LRRC41: variants seen among roughly 807,000 people sequenced by gnomAD.
The protein encoded by LRRC41 is leucine rich repeat containing 41.
Under a neutral mutation model 72.1 loss-of-function variants are expected in LRRC41, and 17 were observed. That is an observed-to-expected ratio of 0.24 (90% CI 0.16 to 0.35). The LOEUF (loss-of-function observed/expected upper bound fraction) is 0.35, where lower values mean the gene tolerates loss of function less well. Among genes scored for constraint, LRRC41 ranks in the 10% least tolerant of loss-of-function variants. The pLI is 1.00. For synonymous variants in LRRC41, 427 were observed against 431.0 expected, an observed-to-expected ratio of 0.99 and a Z score of 0.11; for missense variants, 759 against 1,065.0, an observed-to-expected ratio of 0.71 and a Z score of 4.00.
rs760129246 is a variant in LRRC41 at position 46,281,330 on chromosome 1, C to T, written c.1551G>A (p.Gln517=). The T allele has an allele frequency of 2.6e-5, 42 of 1,614,098 alleles. No homozygotes were observed. The highest frequency in any genetic ancestry group is 3.5e-5 in the Non-Finnish European group (41 of 1,180,054). Reference sequence around the variant, plus strand: ...GCAGGGCACGGAGGCGACATCCAGCCTGGCCTGACAGGGCCCGCAGGCTGT... The same window carrying T: ...GCAGGGCACGGAGGCGACATCCAGCTTGGCCTGACAGGGCCCGCAGGCTGT... The part of the protein sequence containing the change: ...LLDSLRALSG[Q]AGCRLRALHL... Residue 517 remains glutamine (Q), a synonymous_variant, in exon 5 of 10, where the codon CAG becomes CAA. Coordinates refer to ENST00000617190, the MANE Select transcript of LRRC41 (RefSeq NM_006369.5).
intron 3 of LRRC41, among the ~76,000 whole-genome samples, chr1:46,292,228 C>A (rs1395173149): frequency 2.0e-5 from 3 of 150,988 alleles, no homozygotes; most frequent in Non-Finnish European, 4.4e-5. Flanking sequence ...CACTGCACTC[C>A]AGCCTGGGTG....
At chr1:46,295,043 A>G (rs940448853) in intron 3 of LRRC41, among the ~76,000 whole-genome samples, 10 of 151,850 alleles carry the variant, frequency 6.6e-5, no homozygotes, top group Admixed American at 2.6e-4. Flanking sequence ...TATCTATTCT[A>G]TTATACAGAT....
intron 1 of LRRC41, chr1:46,299,017 C>G (rs1447755990): frequency 2.0e-5 from 3 of 152,370 alleles, no homozygotes; most frequent in Middle Eastern, 6.8e-3. Context: ...TGGGCTACTG[C>G]TATATTCTGA....
intron 3 of LRRC41, chr1:46,296,607 G>A (rs986005966): frequency 6.6e-6 from 1 of 152,146 alleles, no homozygotes; most frequent in African/African-American, 2.4e-5. Context: ...GAGAGCTCCA[G>A]TGATTTATAT....
At chr1:46,291,461 A>AGTAGTAG (rs987559869) in intron 3 of LRRC41, among the ~76,000 whole-genome samples, 29 of 151,702 alleles carry the variant, frequency 1.9e-4, no homozygotes, top group African/African-American at 7.0e-4. Context: ...TAGCCTCCCA[A>AGTAGTAG]GTAGTAGGGA....
chr1:46,283,430 C>A (rs1660821009), intron 4 of LRRC41, among the ~76,000 whole-genome samples: 1 of 152,122 alleles, frequency 6.6e-6, no homozygotes, highest in Non-Finnish European at 1.5e-5. Context: ...ACCAGCCCGG[C>A]CTATATGGGG....
At chr1:46,293,096 A>G (rs569936413) in intron 3 of LRRC41, among the ~76,000 whole-genome samples, 12 of 151,858 alleles carry the variant, frequency 7.9e-5, no homozygotes, top group Admixed American at 2.0e-4. Flanking sequence ...AGGCAGGAGA[A>G]TCACTTGAAC....
In LRRC41 at chr1:46,297,846, C is replaced by A. The variant is rs553937165; in HGVS notation, c.287-213G>T. ...TTACTTAATTTCTCTGTGGTTCAGT[C>A]TCCTCATCTGTAAAATGTTAATAAC... On this transcript the variant is annotated intron_variant, in intron 2 of 9. Transcript: ENST00000617190. Among the ~76,000 whole-genome samples the A allele has an allele frequency of 1.3e-3, 192 of 152,306 alleles. 1 individual carries two copies. Among genetic ancestry groups the A allele is most frequent in the African/African-American group, 4.3e-3 (180 of 41,550 alleles).
rs552710485 is a variant in LRRC41 at position 46,303,294 on chromosome 1, C to G, written c.29G>C (p.Arg10Pro). 8 of 1,539,046 alleles carry G rather than the reference C, an allele frequency of 5.2e-6. No homozygotes were observed. The highest frequency in any genetic ancestry group is 7.0e-6 in the Non-Finnish European group (8 of 1,143,460). Reference protein sequence around the residue: MAAPEAWRARSCWFCEVAAA... With the variant: MAAPEAWRAPSCWFCEVAAA... ...CGCTACCTCACAGAACCAGCAACTC[C>G]GGGCGCGCCAGGCCTCGGGCGCCGC... Residue 10 changes from arginine to proline, a missense_variant, in exon 1 of 10, where the codon CGG becomes CCG. Arg to Pro is a moderately radical substitution (Grantham distance 103, BLOSUM62 -2). Transcript: ENST00000617190.
Position 46,278,860 on chromosome 1 carries a change from C to T in LRRC41, c.*5G>A, listed in dbSNP as rs1660704055. 1 of 1,606,368 alleles carries T rather than the reference C, an allele frequency of 6.2e-7. No individual in the cohort carries two copies. Among genetic ancestry groups the T allele is most frequent in the Non-Finnish European group, 8.5e-7 (1 of 1,177,654 alleles). ...CGAGCATGAGACTGTGAGGTACGGG[C>T]CCCATCACATGGTGCTAACATAATC... On this transcript the variant is annotated 3_prime_UTR_variant, in exon 10 of 10. Transcript: ENST00000617190.
intron 3 of LRRC41, among the ~76,000 whole-genome samples, chr1:46,292,010 C>G (rs548103454): frequency 2.6e-5 from 4 of 152,002 alleles, no homozygotes; most frequent in African/African-American, 9.6e-5. Context: ...ACACGCCCAG[C>G]TAATTTTTAA....
At chr1:46,289,875 T>C (rs1660970109) in intron 3 of LRRC41, among the ~76,000 whole-genome samples, 1 of 152,216 alleles carries the variant, frequency 6.6e-6, no homozygotes, top group Non-Finnish European at 1.5e-5. Context: ...ATTTAGTACT[T>C]TGTTTTCTGT....
At chr1:46,280,311 A>G in intron 6 of LRRC41, 21 bp from the exon 7 acceptor site, 1 of 1,612,670 alleles carries the variant, frequency 6.2e-7, no homozygotes, top group Middle Eastern at 1.7e-4. Flanking sequence ...GGCAGAGACC[A>G]TGGACCATGG....
Position 46,280,157 on chromosome 1 carries a change from C to T in LRRC41, c.2020+35G>A, listed in dbSNP as rs1660741405. 3 of 1,513,194 alleles carry T rather than the reference C, an allele frequency of 2.0e-6. No individual in the cohort carries two copies. In the East Asian group the frequency reaches 6.8e-5, roughly 34 times the overall value. The allele number at this position is 1,513,194 out of a possible 1,614,324, so 93.7% of individuals were successfully genotyped here. A position where few individuals can be genotyped will look rare whatever the true frequency, so the allele number is the denominator to read the frequency against. On this transcript the variant is annotated intron_variant, in intron 7 of 9. Coordinates refer to ENST00000617190, the MANE Select transcript of LRRC41 (RefSeq NM_006369.5). ...ATTATGGCAGAACCATAGTGAAGAC[C>T]CAGGAAATGTCCAGGTTCTGAATAA...
At chr1:46,296,555 C>T (rs184763215) in intron 3 of LRRC41, among the ~76,000 whole-genome samples, 322 of 152,194 alleles carry the variant, frequency 2.1e-3, no homozygotes, top group Non-Finnish European at 4.0e-3. Context: ...TTAAATCTAC[C>T]CCATCACCTA....
intron 1 of LRRC41, chr1:46,299,749 C>G (rs375684428): frequency 2.6e-5 from 4 of 152,134 alleles, no homozygotes; most frequent in Admixed American, 2.6e-4. Flanking sequence ...TAATGATGCA[C>G]GCCTGTAATC....
Position 46,285,886 on chromosome 1 carries a change from C to A in LRRC41, c.971G>T (p.Arg324Leu). The stretch of plus-strand genomic sequence containing the variant: ...TGTCAGGCTCTCCTGTGTGCTCCGG[C>A]GTGTTACCCGAGTGGCAGGTGCAGC... Reference protein sequence around the residue: ...PRAAPATRVTRRSTQESLTAG... With the variant: ...PRAAPATRVTLRSTQESLTAG... The change falls in exon 4 of 10, where the codon CGC (arginine) becomes CTC (leucine). Residue 324 changes from arginine (R) to leucine (L), a missense_variant. By Grantham distance (102) the Arg-to-Leu change is moderately radical. This residue lies in a region of LRRC41 where 427 missense variants were observed against 520.9 expected (regional missense o/e 0.82). Transcript: ENST00000617190. The surrounding 1 kb of genome is among the most constrained non-coding windows in gnomAD (Gnocchi z 5.3). 3 of 1,557,304 alleles carry A rather than the reference C, an allele frequency of 1.9e-6. No homozygotes were observed. The highest frequency in any genetic ancestry group is 1.2e-5 in the South Asian group (1 of 82,266).
rs1382118124 is a variant in LRRC41, at chr1:46,285,739, G to A, written c.1118C>T (p.Ser373Leu). The change falls in exon 4 of 10, where the codon TCA becomes TTA. Residue 373 changes from serine (S) to leucine (L), a missense_variant. Around this residue, in one of 4 missense-constraint regions of LRRC41, gnomAD observed 427 missense variants for 520.9 expected, o/e 0.82. Coordinates refer to ENST00000617190, the MANE Select transcript of LRRC41 (RefSeq NM_006369.5). The surrounding 1 kb of genome is among the most constrained non-coding windows in gnomAD (Gnocchi z 5.3). ...TGAGCTAGCTGGTGCCCGTTTGTATGAGGATGTAGAAGAAGAGGCAGAGGA... is the reference window on the plus strand; with the variant it reads ...TGAGCTAGCTGGTGCCCGTTTGTATAAGGATGTAGAAGAAGAGGCAGAGGA... ...ATSSASSSTS[S>L]YKRAPASSAP... 5 of 1,604,940 alleles carry A rather than the reference G, an allele frequency of 3.1e-6. No individual in the cohort carries two copies. Among genetic ancestry groups the A allele is most frequent in the East Asian group, 2.2e-5 (1 of 44,764 alleles).
intron 4 of LRRC41, chr1:46,284,415 C>T (rs982266046): frequency 6.6e-6 from 1 of 152,104 alleles, no homozygotes; most frequent in Non-Finnish European, 1.5e-5. Context: ...ATCAAATTAT[C>T]AAGAATACTT....
Sources: allele counts gnomAD v4.1 joint callset (sites outside exome capture counted in the v4.1 genomes callset), GRCh38; gene constraint gnomAD v4.1.1; regional missense constraint gnomAD v4.1.1; non-coding constraint Gnocchi (gnomAD v3.1); transcripts MANE v1.5; gene names NCBI Gene and HGNC (gene_info 2026-07-23, HGNC 2026-07-21).